Variants in SEZ6 observed in about 807,000 individuals in gnomAD.
SEZ6 encodes the protein seizure protein 6 homolog.
Under a neutral mutation model 101.0 loss-of-function variants are expected in SEZ6, and 53 were observed. The ratio of observed to expected loss-of-function variants is 0.52; its 90% confidence interval spans 0.42 to 0.66. The LOEUF (loss-of-function observed/expected upper bound fraction) is 0.66, where lower values mean the gene tolerates loss of function less well. Ranked by LOEUF, SEZ6 falls within the 30% of genes least tolerant of loss-of-function variation. SEZ6 has a pLI of 0.00. For missense variants in SEZ6, 1,102 were observed against 1,289.4 expected, an observed-to-expected ratio of 0.85 and a Z score of 2.23; for synonymous variants, 488 against 512.2, an observed-to-expected ratio of 0.95 and a Z score of 0.64.
intron 1 of SEZ6, among the ~76,000 whole-genome samples, chr17:28,986,477 C>T (rs866788462): frequency 3.9e-5 from 6 of 152,338 alleles, no homozygotes; most frequent in South Asian, 2.1e-4. Flanking sequence ...GGGGCGTGTT[C>T]TAGCGTCCAG....
In SEZ6 at chr17:28,978,553, G is replaced by A. The variant is rs555295214; in HGVS notation, c.858+1127C>T. On this transcript the variant is annotated intron_variant, in intron 3 of 16. Coordinates refer to ENST00000317338, the MANE Select transcript of SEZ6 (RefSeq NM_178860.5). ...CATCATGGGATGACTCTTCCAGGCA[G>A]AGGGACCAGCATGTGCAGCTGGGAC... is the stretch of plus-strand genomic sequence containing the variant. 3.3e-5 allele frequency among the ~76,000 whole-genome samples: 5 copies of A among 152,378 alleles called. No homozygotes were observed. The East Asian group carries it at 7.7e-4, about 23-fold the overall frequency.
At chr17:28,956,301 A>C (rs762333620) in intron 15 of SEZ6, 40 bp from the exon 16 acceptor site, 1 of 1,586,730 alleles carries the variant, frequency 6.3e-7, no homozygotes, top group Non-Finnish European at 8.6e-7. Context: ...AGCACTGGGT[A>C]GGAGTGAGGT....
In SEZ6 at chr17:28,983,900, T is replaced by C. The variant is rs137918982; in HGVS notation, c.56-1861A>G. ...AGGCATGAGGAAGCAGCAGATGGCC[T>C]ACGTTCTGTTCAGGAGACCATAGCA... On this transcript the variant is annotated intron_variant, in intron 1 of 16. Coordinates refer to ENST00000317338, the MANE Select transcript of SEZ6 (RefSeq NM_178860.5). Among the ~76,000 whole-genome samples the C allele has an allele frequency of 4.7e-4, 71 of 152,070 alleles. 4 individuals carry two copies. In the East Asian group the frequency reaches 0.011, roughly 24 times the overall value.
In SEZ6 at chr17:28,956,141, G is replaced by A; in HGVS notation, c.2952+18C>T. The stretch of plus-strand genomic sequence containing the variant: ...ACTGGGTCTTGGATAGGGTGGCAAG[G>A]CTGGCATGGTTACTTACTCCAGTCT... On this transcript the variant is annotated intron_variant, in intron 16 of 16. Coordinates refer to ENST00000317338, the MANE Select transcript of SEZ6 (RefSeq NM_178860.5). 6.2e-7 allele frequency: 1 copy of A among 1,606,564 alleles called. No homozygotes were observed. Among genetic ancestry groups the A allele is most frequent in the South Asian group, 1.1e-5 (1 of 90,452 alleles).
chr17:28,955,699 T>C lies in SEZ6; in HGVS notation c.*263A>G, dbSNP rs1386215274. On this transcript the variant is annotated 3_prime_UTR_variant, in exon 17 of 17. Transcript: ENST00000317338. Reference sequence around the variant, plus strand: ...GGATGCTGGCTGTTGATGCTTGTGCTCCAGCTATGTTCTTCCCACAGGTAG... The same window carrying C: ...GGATGCTGGCTGTTGATGCTTGTGCCCCAGCTATGTTCTTCCCACAGGTAG... 1 of 664,934 alleles carries C rather than the reference T, an allele frequency of 1.5e-6. No homozygotes were observed. Among genetic ancestry groups the C allele is most frequent in the Admixed American group, 2.1e-5 (1 of 48,654 alleles). The allele number at this position is 664,934 out of a possible 1,614,324, so 41.2% of individuals were successfully genotyped here. A position where few individuals can be genotyped will look rare whatever the true frequency, so the allele number is the denominator to read the frequency against.
chr17:28,974,442 G>A (rs2041194587), intron 3 of SEZ6, among the ~76,000 whole-genome samples: 2 of 152,048 alleles, frequency 1.3e-5, no homozygotes, highest in Admixed American at 6.5e-5. Context: ...TCACACACCC[G>A]TGCTCCCTCA....
At chr17:28,960,466 G>A (rs374643585) in intron 7 of SEZ6, 39 bp downstream of exon 7, 85 of 1,566,288 alleles carry the variant, frequency 5.4e-5, no homozygotes, top group Middle Eastern at 1.8e-4. Context: ...GCCCATCCCC[G>A]TGGACCCGCC....
At chr17:28,964,249 A>G (rs1030578498) in intron 4 of SEZ6, 102 bp from the exon 5 acceptor site, 16 of 1,247,832 alleles carry the variant, frequency 1.3e-5, no homozygotes, top group Admixed American at 2.2e-5. Flanking sequence ...TGGAGGTGTC[A>G]TTTGGGGCCA....
At chr17:28,960,350 G>C in intron 7 of SEZ6, 155 bp downstream of exon 7, 1 of 972,620 alleles carries the variant, frequency 1.0e-6, no homozygotes, top group South Asian at 1.5e-5. Flanking sequence ...AAAGAGAGGG[G>C]CAGGGAAAGG....
chr17:28,993,539 A>T (rs2041493400), intron 1 of SEZ6, among the ~76,000 whole-genome samples: 1 of 152,192 alleles, frequency 6.6e-6, no homozygotes, highest in Non-Finnish European at 1.5e-5. Context: ...TGGAGGCAGG[A>T]GCTGCATTCT....
At position 29,005,117 on chromosome 17, in the gene SEZ6, GTA is replaced by G. The variant is rs2041669576; in HGVS notation, c.55+696_55+697del. Among the ~76,000 whole-genome samples, 2 of 140,616 alleles carry G rather than the reference GTA, an allele frequency of 1.4e-5. No individual in the cohort carries two copies. Among genetic ancestry groups the G allele is most frequent in the Non-Finnish European group, 3.1e-5 (2 of 64,014 alleles). 92.2% of individuals were successfully genotyped at this position (140,616 alleles called of 152,430 possible). ...TGTGTGTGTGTGTGTGTGTGTGTGTGTACAAGGAAAGGACTTTGGGGAGGACA... is the reference window on the plus strand; with the variant it reads ...TGTGTGTGTGTGTGTGTGTGTGTGTGCAAGGAAAGGACTTTGGGGAGGACA... On this transcript the variant is annotated intron_variant, in intron 1 of 16. Coordinates refer to ENST00000317338, the MANE Select transcript of SEZ6 (RefSeq NM_178860.5). The surrounding 1 kb of genome is among the most constrained non-coding windows in gnomAD (Gnocchi z 4.8).
chr17:28,978,501 A>G (rs1239191727), intron 3 of SEZ6, among the ~76,000 whole-genome samples: 1 of 152,228 alleles, frequency 6.6e-6, no homozygotes, highest in African/African-American at 2.4e-5. Context: ...AGAGAGGGTG[A>G]TGCCAGGGCC....
intron 2 of SEZ6, 114 bp from the exon 3 acceptor site, chr17:28,979,927 T>C (rs1688009244): frequency 3.0e-6 from 3 of 992,690 alleles, no homozygotes; most frequent in Middle Eastern, 3.4e-4. Context: ...GTGTGTGTGG[T>C]GAAGACCACC....
Position 28,957,350 on chromosome 17 carries a change from A to C in SEZ6, c.2492T>G (p.Leu831Arg), listed in dbSNP as rs778399609. Residue 831 changes from leucine to arginine, a missense_variant and splice_region_variant, in exon 12 of 17, where the codon CTC (leucine) becomes CGC (arginine). Around this residue, in one of 3 missense-constraint regions of SEZ6, gnomAD observed 556 missense variants for 735.1 expected, o/e 0.76. Transcript: ENST00000317338. ...CCTCCTACTCAATTGACACTTACGGAGACATTTAGGGGCCCGGTCACTCCA... is the reference window on the plus strand; with the variant it reads ...CCTCCTACTCAATTGACACTTACGGCGACATTTAGGGGCCCGGTCACTCCA... Reference protein sequence around the residue: ...PKWSDRAPKCLLEQLKPCHGL... With the variant: ...PKWSDRAPKCRLEQLKPCHGL... 75 of 1,612,126 alleles carry C rather than the reference A, an allele frequency of 4.7e-5. No homozygotes were observed. Among genetic ancestry groups the C allele is most frequent in the Non-Finnish European group, 6.0e-5 (71 of 1,178,592 alleles).
At position 28,995,168 on chromosome 17, in the gene SEZ6, C is replaced by T. The variant is rs376059336; in HGVS notation, c.55+10647G>A. ...GATTACAGGCGTGAGCCACCGCGCC[C>T]GGCCGACTTGTCACTTTTCTTTTGA... On this transcript the variant is annotated intron_variant, in intron 1 of 16. Coordinates refer to ENST00000317338, the MANE Select transcript of SEZ6 (RefSeq NM_178860.5). 2.5e-3 allele frequency among the ~76,000 whole-genome samples: 380 copies of T among 152,314 alleles called. No individual in the cohort carries two copies. In the Middle Eastern group the frequency reaches 0.031, roughly 12 times the overall value.
At chr17:28,991,731 C>G (rs1020814056) in intron 1 of SEZ6, among the ~76,000 whole-genome samples, 13 of 152,278 alleles carry the variant, frequency 8.5e-5, no homozygotes, top group Admixed American at 8.5e-4. Flanking sequence ...CCCTGGACTT[C>G]TTCGAGTTTT....
At chr17:28,967,013 C>T (rs1057370437) in intron 4 of SEZ6, among the ~76,000 whole-genome samples, 1 of 152,194 alleles carries the variant, frequency 6.6e-6, no homozygotes. Flanking sequence ...TTCTTCCCTA[C>T]GTGCTGTGCC....
At chr17:28,986,882 A>G (rs2041392120) in intron 1 of SEZ6, among the ~76,000 whole-genome samples, 1 of 152,204 alleles carries the variant, frequency 6.6e-6, no homozygotes, top group Admixed American at 6.5e-5. Flanking sequence ...AGCCTCTGGA[A>G]GGGCAGGTGG....
chr17:28,981,531 A>T lies in SEZ6; in HGVS notation c.564T>A (p.Pro188=), dbSNP rs757337283. ...CAACCCACGGCCTTCCCATGTCTCC[A>T]GGACCCTCTTGGGTTGGTGTCCAGG... ...SRAWTPTQEG[P]GDMGRPWVAE... The change falls in exon 2 of 17, where the codon CCT becomes CCA. Residue 188 remains proline, a synonymous_variant. Transcript: ENST00000317338. 1.9e-6 allele frequency: 3 copies of T among 1,612,058 alleles called. No individual in the cohort carries two copies. The highest frequency in any genetic ancestry group is 2.5e-6 in the Non-Finnish European group (3 of 1,179,138).
Sources: gnomAD v4.1 joint callset for allele counts (sites outside exome capture counted in the v4.1 genomes callset) on GRCh38, gnomAD v4.1.1 for gene constraint, gnomAD v4.1.1 regional missense constraint, Gnocchi (gnomAD v3.1) non-coding constraint, MANE v1.5 for transcripts, NCBI Gene and HGNC (gene_info 2026-07-23, HGNC 2026-07-21) for gene names.